PDE7B: variants seen among roughly 807,000 people sequenced by gnomAD.
PDE7B encodes 3',5'-cyclic-AMP phosphodiesterase 7B.
A neutral mutation model predicts 56.2 loss-of-function variants in PDE7B; 29 were observed. The ratio of observed to expected loss-of-function variants is 0.52; its 90% CI spans 0.38 to 0.70. The LOEUF (loss-of-function observed/expected upper bound fraction) is 0.70, where lower values mean the gene tolerates loss of function less well. PDE7B is among the 30% of genes least tolerant of loss of function. PDE7B has a pLI of 0.00. For synonymous variants in PDE7B, 197 were observed against 196.9 expected, an observed-to-expected ratio of 1.00 and a Z score of 0.00; for missense variants, 490 against 565.0, an observed-to-expected ratio of 0.87 and a Z score of 1.35.
intron 2 of PDE7B, among the ~76,000 whole-genome samples, chr6:136,041,364 G>T (rs149916263): frequency 2.0e-4 from 30 of 152,342 alleles, no homozygotes; most frequent in Non-Finnish European, 2.9e-4. Flanking sequence ...ATATGTGTTC[G>T]TGAGAGATTT....
chr6:135,910,498 C>G (rs1320882425), intron 1 of PDE7B, among the ~76,000 whole-genome samples: 1 of 152,170 alleles, frequency 6.6e-6, no homozygotes, highest in Non-Finnish European at 1.5e-5. Context: ...CCATAAGCCA[C>G]TTGCCCCCAC....
chr6:136,040,046 T>A (rs1230605438), intron 2 of PDE7B, among the ~76,000 whole-genome samples: 1 of 152,188 alleles, frequency 6.6e-6, no homozygotes, highest in African/African-American at 2.4e-5. Flanking sequence ...AGCAATACTC[T>A]GGAGAAAAAG....
intron 1 of PDE7B, among the ~76,000 whole-genome samples, chr6:135,915,750 C>T (rs1296929048): frequency 6.6e-6 from 1 of 152,132 alleles, no homozygotes; most frequent in Non-Finnish European, 1.5e-5. Context: ...TTTTTTCCAC[C>T]ATAGATTAGT....
At chr6:135,880,216 G>C (rs574546762) in intron 1 of PDE7B, among the ~76,000 whole-genome samples, 1 of 152,144 alleles carries the variant, frequency 6.6e-6, no homozygotes, top group East Asian at 1.9e-4. Flanking sequence ...GATTCAGAGG[G>C]AAGATGAAAG....
chr6:136,147,418 C>T lies in PDE7B; in HGVS notation c.234C>T (p.Tyr78=). The change falls in exon 4 of 13, where the codon TAC becomes TAT. Residue 78 remains tyrosine, a synonymous_variant. Coordinates refer to ENST00000308191, the MANE Select transcript of PDE7B (RefSeq NM_018945.4). ...AAAGACTATTAAGCTTTCAAAGATA[C>T]TTCCATGCATCAAGGCTGCTTCGTG... The part of the protein sequence containing the change: ...KVKRLLSFQR[Y]FHASRLLRGI... 1.2e-6 allele frequency: 2 copies of T among 1,612,440 alleles called. No individual in the cohort carries two copies. Among genetic ancestry groups the T allele is most frequent in the Non-Finnish European group, 1.7e-6 (2 of 1,178,480 alleles).
chr6:136,122,654 G>A (rs1171317201), intron 3 of PDE7B, among the ~76,000 whole-genome samples: 1 of 152,062 alleles, frequency 6.6e-6, no homozygotes, highest in Admixed American at 6.5e-5. Context: ...AAAATTAGCT[G>A]GTATCTATTG....
chr6:136,177,873 C>T (rs1779004955), intron 9 of PDE7B, among the ~76,000 whole-genome samples: 1 of 151,542 alleles, frequency 6.6e-6, no homozygotes, highest in African/African-American at 2.4e-5. Context: ...ACTCAAGTGA[C>T]CATGAAAAGT....
chr6:135,935,186 T>TTTTATATATATATATATATATATATATA (rs1404954510), intron 1 of PDE7B, among the ~76,000 whole-genome samples: 1 of 38,444 alleles, frequency 2.6e-5, no homozygotes, highest in Non-Finnish European at 4.2e-5. Flanking sequence ...ATATATATAT[T>TTTTATATATATATATATATATATATATA]TATTTATATA....
At chr6:135,921,273 C>G (rs1254603824) in intron 1 of PDE7B, among the ~76,000 whole-genome samples, 3 of 152,084 alleles carry the variant, frequency 2.0e-5, no homozygotes, top group African/African-American at 7.2e-5. Context: ...GAATTTAATC[C>G]TTTTCTTAGA....
chr6:135,914,315 T>C (rs1183509148), intron 1 of PDE7B, among the ~76,000 whole-genome samples: 1 of 151,800 alleles, frequency 6.6e-6, no homozygotes, highest in African/African-American at 2.4e-5. Flanking sequence ...ATCTAGAACA[T>C]TTCTATCACT....
intron 1 of PDE7B, among the ~76,000 whole-genome samples, chr6:135,868,708 C>T (rs1013145041): frequency 1.3e-5 from 2 of 152,194 alleles, no homozygotes; most frequent in Non-Finnish European, 2.9e-5. Flanking sequence ...ACTGAGATTA[C>T]AGGTGTGAGC....
rs1388238277 is a variant in PDE7B, at chr6:135,995,967, C to T, written c.82+48443C>T. ...TCAGCTTTCTTTAAATAAATGGATACACACATGCACACACACAGAGAAGGA... is the reference window on the plus strand; with the variant it reads ...TCAGCTTTCTTTAAATAAATGGATATACACATGCACACACACAGAGAAGGA... On this transcript the variant is annotated intron_variant, in intron 2 of 12. Coordinates refer to ENST00000308191, the MANE Select transcript of PDE7B (RefSeq NM_018945.4). Among the ~76,000 whole-genome samples, 6 of 152,038 alleles carry T rather than the reference C, an allele frequency of 3.9e-5. No homozygotes were observed. The South Asian group carries it at 1.2e-3, about 32-fold the overall frequency.
chr6:135,969,919 G>A (rs1485058652), intron 2 of PDE7B, among the ~76,000 whole-genome samples: 5 of 152,306 alleles, frequency 3.3e-5, no homozygotes, highest in Non-Finnish European at 7.4e-5. Context: ...GGGAAATGAT[G>A]AAGATGGTGT....
Position 135,906,810 on chromosome 6 carries a change from G to GTTTTTTTTTTTTTTTTTTTTTTTTTT in PDE7B, c.22-40653_22-40628dup, listed in dbSNP as rs869049424. ...TTTGACTCAAATGTTAATGAGGTTT[G>GTTTTTTTTTTTTTTTTTTTTTTTTTT]TTTTTTTTTTTTTTTTTTTTTTTTT... On this transcript the variant is annotated intron_variant, in intron 1 of 12. Transcript: ENST00000308191. Among the ~76,000 whole-genome samples, 17 of 59,506 alleles carry GTTTTTTTTTTTTTTTTTTTTTTTTTT rather than the reference G, an allele frequency of 2.9e-4. 1 individual carries two copies. Among genetic ancestry groups the GTTTTTTTTTTTTTTTTTTTTTTTTTT allele is most frequent in the Non-Finnish European group, 3.9e-4 (13 of 33,384 alleles). 39.0% of individuals were successfully genotyped at this position (59,506 alleles called of 152,430 possible).
chr6:136,160,997 G>A (rs900841356), intron 8 of PDE7B, among the ~76,000 whole-genome samples: 3 of 152,060 alleles, frequency 2.0e-5, no homozygotes, highest in Non-Finnish European at 4.4e-5. Context: ...AACAAAACAA[G>A]ATAAAGATAT....
At chr6:135,957,761 T>C (rs189941657) in intron 2 of PDE7B, among the ~76,000 whole-genome samples, 1 of 152,238 alleles carries the variant, frequency 6.6e-6, no homozygotes, top group East Asian at 1.9e-4. Context: ...ACCCCTAACA[T>C]TCTCCCACCA....
rs201949118 is a variant in PDE7B at position 136,041,332 on chromosome 6, TA to T, written c.83-67391del. Among the ~76,000 whole-genome samples, 10 of 151,628 alleles carry T rather than the reference TA, an allele frequency of 6.6e-5. No homozygotes were observed. In the East Asian group the frequency reaches 7.8e-4, roughly 12 times the overall value. On this transcript the variant is annotated intron_variant, in intron 2 of 12. Coordinates refer to ENST00000308191, the MANE Select transcript of PDE7B (RefSeq NM_018945.4). ...TGGCTAAGGTAATAAAAGGAGAGAA[TA>T]AAAAAAATATGGGAACATAAATATG...
At chr6:135,924,854 G>A (rs1314971057) in intron 1 of PDE7B, among the ~76,000 whole-genome samples, 1 of 151,330 alleles carries the variant, frequency 6.6e-6, no homozygotes, top group Non-Finnish European at 1.5e-5. Context: ...TAGTAGAAGT[G>A]GTTAGGTTGA....
At chr6:135,904,986 G>A (rs1211611916) in intron 1 of PDE7B, among the ~76,000 whole-genome samples, 3 of 152,186 alleles carry the variant, frequency 2.0e-5, no homozygotes, top group Non-Finnish European at 4.4e-5. Flanking sequence ...GTTGCACAGG[G>A]TCCCATACTC....
Sources: allele counts gnomAD v4.1 joint callset (sites outside exome capture counted in the v4.1 genomes callset), GRCh38; gene constraint gnomAD v4.1.1; transcripts MANE v1.5; gene names NCBI Gene and HGNC (gene_info 2026-07-23, HGNC 2026-07-21).